The following STKLD1 variants were observed in gnomAD, a reference collection of about 807,000 sequenced individuals.
STKLD1 encodes the protein serine/threonine kinase-like domain-containing protein STKLD1.
In STKLD1, 79 loss-of-function variants were observed where a neutral mutation model predicts 80.4. That is an observed-to-expected ratio of 0.98 (90% CI 0.82 to 1.19). The LOEUF (loss-of-function observed/expected upper bound fraction) is 1.19, where lower values mean the gene tolerates loss of function less well. Ranked by LOEUF, STKLD1 falls within the 50% of genes most tolerant of loss-of-function variation. The pLI, the probability that STKLD1 is intolerant of heterozygous loss-of-function variation, is 0.00. For missense variants in STKLD1, 841 were observed against 856.0 expected (o/e 0.98, Z 0.22); for synonymous variants, 393 against 357.6 (o/e 1.10, Z -1.12).
Position 133,385,795 on chromosome 9 carries a change from C to G in STKLD1, c.294+104C>G. 1 of 1,082,556 alleles carries G rather than the reference C, an allele frequency of 9.2e-7. No individual in the cohort carries two copies. 67.1% of individuals were successfully genotyped at this position (1,082,556 alleles called of 1,614,324 possible). On this transcript the variant is annotated intron_variant, in intron 4 of 17. Transcript: ENST00000371957. This position sits in a 1 kb window ranked among gnomAD's most constrained non-coding sequence, Gnocchi z 4.9. ...CCCACCCCCCACTGTCAGAATAGCT[C>G]GTGTGGCAATGGCAGTGACTGTAAA...
chr9:133,379,167 C>A (rs1838075111), intron 2 of STKLD1, 45 bp downstream of exon 2: 1 of 1,529,710 alleles, frequency 6.5e-7, no homozygotes. Context: ...GGTTCTGTGA[C>A]TGTGATTTTC....
chr9:133,390,695 C>T lies in STKLD1; in HGVS notation c.482C>T (p.Ser161Phe). The change falls in exon 7 of 18, where the codon TCC (serine) becomes TTC (phenylalanine). Residue 161 changes from serine (S) to phenylalanine (F), a missense_variant. Transcript: ENST00000371957. The surrounding 1 kb of genome is among the most constrained non-coding windows in gnomAD (Gnocchi z 5.1). ...CTTGGTTTCAGGAATCTCAAACCCT[C>T]CAACATCATCCTCATCAGCAGTGAC... Reference protein sequence around the residue: ...LDIIHRNLKPSNIILISSDHC... With the variant: ...LDIIHRNLKPFNIILISSDHC... The T allele has an allele frequency of 1.9e-6, 3 of 1,613,656 alleles. No individual in the cohort carries two copies. Among genetic ancestry groups the T allele is most frequent in the Non-Finnish European group, 2.5e-6 (3 of 1,179,884 alleles).
chr9:133,379,487 C>T (rs1439138544), intron 2 of STKLD1, among the ~76,000 whole-genome samples: 1 of 152,228 alleles, frequency 6.6e-6, no homozygotes, highest in Non-Finnish European at 1.5e-5. Flanking sequence ...CAAGGTCACA[C>T]AATTTCCAAG....
At chr9:133,380,609 C>T (rs2130264049) in intron 2 of STKLD1, among the ~76,000 whole-genome samples, 25 of 152,130 alleles carry the variant, frequency 1.6e-4, no homozygotes, top group African/African-American at 5.3e-4. Flanking sequence ...GTCGAGATTG[C>T]GCCACTGCAC....
At chr9:133,402,239 G>T (rs782789888) in intron 13 of STKLD1, among the ~76,000 whole-genome samples, 1 of 152,136 alleles carries the variant, frequency 6.6e-6, no homozygotes, top group Non-Finnish European at 1.5e-5. Flanking sequence ...GGCTTCCGAA[G>T]CCTCCAGCCA....
Position 133,395,725 on chromosome 9 carries a change from G to C in STKLD1, c.828G>C (p.Leu276Phe), listed in dbSNP as rs1416211244. 1.2e-6 allele frequency: 2 copies of C among 1,613,546 alleles called. No homozygotes were observed. The highest frequency in any genetic ancestry group is 8.5e-7 in the Non-Finnish European group (1 of 1,180,016). Residue 276 changes from leucine to phenylalanine, a missense_variant, in exon 9 of 18, where the codon TTG becomes TTC. Leu to Phe is a conservative substitution (Grantham distance 22). Coordinates refer to ENST00000371957, the MANE Select transcript of STKLD1 (RefSeq NM_153710.5). ...AAACCTTCAGGAATCTTCTGCCCTT[G>C]ATGCTCCAGATCGACCCCTCGGATC... ...DVETFRNLLP[L>F]MLQIDPSDRI...
chr9:133,393,077 G>C (rs1838448822), intron 7 of STKLD1, among the ~76,000 whole-genome samples: 1 of 134,210 alleles, frequency 7.5e-6, no homozygotes, highest in African/African-American at 2.9e-5. Flanking sequence ...GTGGGTAGAT[G>C]GGTGGGTGGG....
At chr9:133,404,451 C>A (rs35630406) in intron 16 of STKLD1, among the ~76,000 whole-genome samples, 6,841 of 152,288 alleles carry the variant, frequency 0.045, 223 homozygotes, top group Non-Finnish European at 0.071. Context: ...GCTCGGCCCA[C>A]AGCACAGTCC....
rs2130276032 is a variant in STKLD1 at position 133,385,922 on chromosome 9, G to GT, written c.294+245dup. 9.4e-3 allele frequency among the ~76,000 whole-genome samples: 1,353 copies of GT among 143,240 alleles called. 9 individuals carry two copies. Among genetic ancestry groups the GT allele is most frequent in the African/African-American group, 0.013 (524 of 39,344 alleles). The allele number at this position is 143,240 out of a possible 152,430, so 94.0% of individuals were successfully genotyped here. A position where few individuals can be genotyped will look rare whatever the true frequency, so the allele number is the denominator to read the frequency against. ...CCCCAAAAACCTCATCGTCAGGAGA[G>GT]TTTTTTTTTTTTTTGGACAAAGTCT... On this transcript the variant is annotated intron_variant, in intron 4 of 17. Coordinates refer to ENST00000371957, the MANE Select transcript of STKLD1 (RefSeq NM_153710.5). This position sits in a 1 kb window ranked among gnomAD's most constrained non-coding sequence, Gnocchi z 4.9.
chr9:133,383,586 T>G (rs1290538741), intron 2 of STKLD1, among the ~76,000 whole-genome samples: 2,109 of 7,486 alleles, frequency 0.28, 247 homozygotes, highest in South Asian at 0.34. Flanking sequence ...GATGATAGTG[T>G]TGATGGTGGT....
intron 12 of STKLD1, among the ~76,000 whole-genome samples, chr9:133,401,371 C>T (rs1838702306): frequency 1.3e-5 from 2 of 152,068 alleles, no homozygotes; most frequent in Non-Finnish European, 2.9e-5. Context: ...CTCCTGACAT[C>T]GTGATCCACC....
At chr9:133,376,747 G>A (rs1331636176) in intron 1 of STKLD1, among the ~76,000 whole-genome samples, 187 bp downstream of exon 1, 3 of 152,180 alleles carry the variant, frequency 2.0e-5, no homozygotes, top group Admixed American at 1.3e-4. Context: ...TTGCCACTCA[G>A]TTTCCCCCTT....
intron 5 of STKLD1, among the ~76,000 whole-genome samples, chr9:133,388,533 C>T (rs2130282404): frequency 1.3e-5 from 2 of 152,142 alleles, no homozygotes; most frequent in African/African-American, 2.4e-5. Context: ...AGATGTGAGC[C>T]GCCGCGCCTA....
rs782508745 is a variant in STKLD1 at position 133,401,828 on chromosome 9, A to G, written c.1289A>G (p.Glu430Gly). The G allele has an allele frequency of 2.9e-5, 47 of 1,613,534 alleles. No individual in the cohort carries two copies. The highest frequency in any genetic ancestry group is 3.7e-5 in the Non-Finnish European group (44 of 1,179,994). Residue 430 changes from glutamate to glycine, a missense_variant, in exon 13 of 18, where the codon GAG (glutamate) becomes GGG (glycine). Transcript: ENST00000371957. ...GCTCTTCAGAGCCACCCCGAGGAGG[A>G]GCCACTTCTTGTCATGGTCTACAGC... ...LSALQSHPEE[E>G]PLLVMVYSLL...
chr9:133,403,559 G>A lies in STKLD1; in HGVS notation c.1475-141G>A, dbSNP rs587688854. The stretch of plus-strand genomic sequence containing the variant: ...CTCTCCTGGGCTAACCCCTGCACCC[G>A]TCTCTGAGGACAGTTGACCTTTCCC... On this transcript the variant is annotated intron_variant, in intron 14 of 17. Coordinates refer to ENST00000371957, the MANE Select transcript of STKLD1 (RefSeq NM_153710.5). 2.0e-4 allele frequency: 216 copies of A among 1,087,152 alleles called. 1 individual carries two copies. The highest frequency in any genetic ancestry group is 8.6e-4 in the Middle Eastern group (4 of 4,676). The allele number at this position is 1,087,152 out of a possible 1,614,324, so 67.3% of individuals were successfully genotyped here.
At chr9:133,402,578 G>C (rs957006840) in intron 13 of STKLD1, among the ~76,000 whole-genome samples, 1 of 152,246 alleles carries the variant, frequency 6.6e-6, no homozygotes, top group Non-Finnish European at 1.5e-5. Flanking sequence ...GGAAGGCACA[G>C]GCTGGCTCTG....
chr9:133,405,522 C>T lies in STKLD1; in HGVS notation c.*101C>T. 1 of 1,251,374 alleles carries T rather than the reference C, an allele frequency of 8.0e-7. No homozygotes were observed. The allele number at this position is 1,251,374 out of a possible 1,614,324, so 77.5% of individuals were successfully genotyped here. On this transcript the variant is annotated 3_prime_UTR_variant, in exon 18 of 18. Coordinates refer to ENST00000371957, the MANE Select transcript of STKLD1 (RefSeq NM_153710.5). ...TCTCTATGACTGGGCCAAAATCAAT[C>T]TTAAACGGGAGGGGTAATCAGACCT...
intron 2 of STKLD1, 63 bp downstream of exon 2, chr9:133,379,185 C>A: frequency 7.2e-7 from 1 of 1,393,792 alleles, no homozygotes; most frequent in Non-Finnish European, 1.0e-6. Context: ...TTCCCCAATA[C>A]AAGCTCTTCC....
At chr9:133,383,015 A>C (rs1475501591) in intron 2 of STKLD1, among the ~76,000 whole-genome samples, 6 of 122,890 alleles carry the variant, frequency 4.9e-5, no homozygotes, top group African/African-American at 1.6e-4. Context: ...TGATGGTGGT[A>C]ATGATGGTGA....
Sources: allele counts gnomAD v4.1 joint callset (sites outside exome capture counted in the v4.1 genomes callset), GRCh38; gene constraint gnomAD v4.1.1; non-coding constraint Gnocchi (gnomAD v3.1); transcripts MANE v1.5; gene names NCBI Gene and HGNC (gene_info 2026-07-23, HGNC 2026-07-21).